TMEM242: variants seen among roughly 807,000 people sequenced by gnomAD.
The protein encoded by TMEM242 is transmembrane protein 242, also known as UPF0463 transmembrane protein C6orf35.
In TMEM242, 10 loss-of-function variants were observed where a neutral mutation model predicts 18.2. The ratio of observed to expected loss-of-function variants is 0.55; its 90% CI spans 0.34 to 0.93. The LOEUF (loss-of-function observed/expected upper bound fraction) is 0.93, where lower values mean the gene tolerates loss of function less well. Ranked by LOEUF, TMEM242 falls within the 40% of genes least tolerant of loss-of-function variation. The probability of loss-of-function intolerance (pLI) is 0.02; values close to 1 mark genes in which losing one functional copy is unlikely to be tolerated. For missense variants in TMEM242, 186 were observed against 175.5 expected (o/e 1.06, Z -0.34); for synonymous variants, 57 against 69.9 (o/e 0.81, Z 0.92).
chr6:157,300,163 GA>G, intron 3 of TMEM242: 1 of 548,538 alleles, frequency 1.8e-6, no homozygotes, highest in Non-Finnish European at 3.3e-6. Context: ...GAGAATGGAA[GA>G]AAACTGCTGA....
chr6:157,290,106 C>T lies in TMEM242; in HGVS notation c.*2795G>A, dbSNP rs1350816704. 1 of 152,212 alleles carries T rather than the reference C, an allele frequency of 6.6e-6. No homozygotes were observed. Among genetic ancestry groups the T allele is most frequent in the African/African-American group, 2.4e-5 (1 of 41,444 alleles). The allele number at this position is 152,212 out of a possible 1,614,324, so 9.4% of individuals were successfully genotyped here. On this transcript the variant is annotated 3_prime_UTR_variant, in exon 4 of 4. Transcript: ENST00000400788. ...GCAACTTACCAGGATACATGTTTTC[C>T]CTTGAATGAATCCTGGGGTCTCGGA...
intron 3 of TMEM242, among the ~76,000 whole-genome samples, chr6:157,313,606 A>G (rs1554249865): frequency 6.6e-6 from 1 of 151,234 alleles, no homozygotes. Flanking sequence ...TAACCCCATC[A>G]TAGTGCCCCA....
intron 3 of TMEM242, among the ~76,000 whole-genome samples, chr6:157,293,324 C>T (rs1218690562): frequency 6.6e-6 from 1 of 151,724 alleles, no homozygotes; most frequent in African/African-American, 2.4e-5. Context: ...TGAGTCCAGC[C>T]TGGGCAACAC....
intron 3 of TMEM242, among the ~76,000 whole-genome samples, chr6:157,311,251 C>A (rs587726661): frequency 6.8e-6 from 1 of 146,854 alleles, no homozygotes; most frequent in African/African-American, 2.5e-5. Flanking sequence ...CCAGTGTGCG[C>A]TCACCTAGCC....
Position 157,299,197 on chromosome 6 carries a change from C to T in TMEM242, c.328-6198G>A, listed in dbSNP as rs1777792749. Reference sequence around the variant, plus strand: ...CAGAGACCCCTAATGATGGTGGAAACTGGATGTGTTCTCCTAAGATTCTTC... The same window carrying T: ...CAGAGACCCCTAATGATGGTGGAAATTGGATGTGTTCTCCTAAGATTCTTC... On this transcript the variant is annotated intron_variant, in intron 3 of 3. Transcript: ENST00000400788. The T allele has an allele frequency of 4.5e-6, 3 of 662,498 alleles. No homozygotes were observed. In the East Asian group the frequency reaches 9.2e-5, roughly 20 times the overall value. 41.0% of individuals were successfully genotyped at this position (662,498 alleles called of 1,614,324 possible).
chr6:157,322,790 C>A lies in TMEM242; in HGVS notation c.104G>T (p.Gly35Val). The A allele has an allele frequency of 6.2e-7, 1 of 1,612,808 alleles. No homozygotes were observed. Among genetic ancestry groups the A allele is most frequent in the Non-Finnish European group, 8.5e-7 (1 of 1,179,554 alleles). ...LFLVKGGIFL[G>V]TVAAAGMLAG... ...TAGCATTCCCGCTGCAGCAACGGTA[C>A]CAAGGAAAATTCCACCTGCCAAGAG... Residue 35 changes from glycine (G) to valine (V), a missense_variant, in exon 2 of 4, where the codon GGT becomes GTT. Physicochemically the swap from Gly to Val is moderately radical, Grantham distance 109. Transcript: ENST00000400788.
intron 2 of TMEM242, 94 bp from the exon 3 acceptor site, chr6:157,319,013 C>T: frequency 7.6e-7 from 1 of 1,317,408 alleles, no homozygotes; most frequent in Non-Finnish European, 1.0e-6. Context: ...GTGCAAACAA[C>T]ATGATATTAG....
intron 3 of TMEM242, among the ~76,000 whole-genome samples, chr6:157,310,685 C>A (rs1554248394): frequency 1.3e-5 from 2 of 151,030 alleles, no homozygotes; most frequent in African/African-American, 2.5e-5. Context: ...AGTGTGCGCT[C>A]ACCTAGCCTC....
At chr6:157,297,223 A>G (rs1259639750) in intron 3 of TMEM242, among the ~76,000 whole-genome samples, 1 of 152,224 alleles carries the variant, frequency 6.6e-6, no homozygotes, top group Non-Finnish European at 1.5e-5. Flanking sequence ...GGCTGGTAAG[A>G]GCAAATCTGA....
Position 157,295,297 on chromosome 6 carries a change from GAATT to G in TMEM242, c.328-2302_328-2299del, listed in dbSNP as rs1554247125. The stretch of plus-strand genomic sequence containing the variant: ...CCCTCCCCACTCCCTCTTCCATAAA[GAATT>G]AATTGCTTTGTCCAAAACATTAATA... On this transcript the variant is annotated intron_variant, in intron 3 of 3. Transcript: ENST00000400788. 7.8e-4 allele frequency among the ~76,000 whole-genome samples: 119 copies of G among 152,218 alleles called. 3 individuals carry two copies. Among genetic ancestry groups the G allele is most frequent in the Non-Finnish European group, 8.8e-5 (6 of 68,010 alleles).
chr6:157,291,592 C>G lies in TMEM242; in HGVS notation c.*1309G>C, dbSNP rs1777685203. On this transcript the variant is annotated 3_prime_UTR_variant, in exon 4 of 4. Transcript: ENST00000400788. Reference sequence around the variant, plus strand: ...GCATTCACTGACCAATTTCACAATCCTTTCCTTTCAGTCTTGGATTTTTAA... The same window carrying G: ...GCATTCACTGACCAATTTCACAATCGTTTCCTTTCAGTCTTGGATTTTTAA... The G allele has an allele frequency of 6.6e-6, 1 of 152,194 alleles. No homozygotes were observed. The highest frequency in any genetic ancestry group is 2.1e-4 in the South Asian group (1 of 4,830). The allele number at this position is 152,194 out of a possible 1,614,324, so 9.4% of individuals were successfully genotyped here. A position where few individuals can be genotyped will look rare whatever the true frequency, so the allele number is the denominator to read the frequency against.
intron 1 of TMEM242, 47 bp from the exon 2 acceptor site, chr6:157,322,852 TAAAA>T: frequency 6.7e-7 from 1 of 1,482,740 alleles, no homozygotes; most frequent in South Asian, 1.2e-5. Context: ...AAAAATTAAA[TAAAA>T]AGAGGTTAAA....
intron 3 of TMEM242, chr6:157,300,120 A>T: frequency 1.6e-6 from 1 of 630,270 alleles, no homozygotes; most frequent in Non-Finnish European, 2.9e-6. Flanking sequence ...GACACAGTCC[A>T]ACTCATGGCT....
intron 3 of TMEM242, among the ~76,000 whole-genome samples, chr6:157,313,390 ACCGGGCCTTATTACAGTGTCCAGTGTGCG>A: frequency 1.2e-4 from 1 of 8,170 alleles, no homozygotes. Flanking sequence ...GTGTACGCTC[ACCGGGCCTTATTACAGTGTCCAGTGTGCG>A]CTCACCTGGC....
At position 157,322,704 on chromosome 6, in the gene TMEM242, C is replaced by T. The variant is rs781949689; in HGVS notation, c.189+1G>A. On this transcript the variant is annotated splice_donor_variant, in intron 2 of 3. Coordinates refer to ENST00000400788, the MANE Select transcript of TMEM242 (RefSeq NM_018452.6). LOFTEE classifies it high-confidence loss of function. ...TATGAATGGATTTCAGTGTCACCAACCTTATTGAACCATTCAGGGCTTTTC... is the reference window on the plus strand; with the variant it reads ...TATGAATGGATTTCAGTGTCACCAATCTTATTGAACCATTCAGGGCTTTTC... The T allele has an allele frequency of 1.2e-6, 2 of 1,609,410 alleles. No homozygotes were observed. Among genetic ancestry groups the T allele is most frequent in the East Asian group, 2.2e-5 (1 of 44,842 alleles).
At chr6:157,320,395 A>AT (rs1488585455) in intron 2 of TMEM242, among the ~76,000 whole-genome samples, 12 of 152,352 alleles carry the variant, frequency 7.9e-5, no homozygotes, top group African/African-American at 2.9e-4. Context: ...ATATAAGCCT[A>AT]TTTTTTATGA....
At chr6:157,310,577 T>G (rs1583562593) in intron 3 of TMEM242, among the ~76,000 whole-genome samples, 2 of 147,484 alleles carry the variant, frequency 1.4e-5, no homozygotes, top group South Asian at 2.1e-4. Context: ...TGCCCCAGTG[T>G]GCGCTCACCC....
Position 157,303,027 on chromosome 6 carries a change from T to C in TMEM242, c.328-10028A>G, listed in dbSNP as rs113812960. Among the ~76,000 whole-genome samples, 1,190 of 152,346 alleles carry C rather than the reference T, an allele frequency of 7.8e-3. 17 individuals are homozygous for C. Among genetic ancestry groups the C allele is most frequent in the African/African-American group, 0.027 (1,142 of 41,584 alleles). On this transcript the variant is annotated intron_variant, in intron 3 of 3. Coordinates refer to ENST00000400788, the MANE Select transcript of TMEM242 (RefSeq NM_018452.6). Reference sequence around the variant, plus strand: ...CTCTCACCAATCTTTGCCAATCCCCTAAGCAGAACTGGCTTTCTAAAAGCC... The same window carrying C: ...CTCTCACCAATCTTTGCCAATCCCCCAAGCAGAACTGGCTTTCTAAAAGCC...
rs1321721352 is a variant in TMEM242 at position 157,305,070 on chromosome 6, A to C, written c.328-12071T>G. On this transcript the variant is annotated intron_variant, in intron 3 of 3. Transcript: ENST00000400788. This position sits in a 1 kb window ranked among gnomAD's most constrained non-coding sequence, Gnocchi z 4.1. ...AGGAAGCCACTGAAGGGTTTTAAAT[A>C]AGGAAGTAGCATGATCTGACTCACA... is the stretch of plus-strand genomic sequence containing the variant. Among the ~76,000 whole-genome samples the C allele has an allele frequency of 2.6e-5, 4 of 152,174 alleles. No homozygotes were observed. The highest frequency in any genetic ancestry group is 4.4e-5 in the Non-Finnish European group (3 of 68,034).
Sources: gnomAD v4.1 joint callset for allele counts (sites outside exome capture counted in the v4.1 genomes callset) on GRCh38, gnomAD v4.1.1 for gene constraint, Gnocchi (gnomAD v3.1) non-coding constraint, MANE v1.5 for transcripts, NCBI Gene and HGNC (gene_info 2026-07-23, HGNC 2026-07-21) for gene names.